Variants in IQCM observed in about 807,000 individuals in gnomAD.
IQCM encodes the protein IQ domain-containing protein M.
Under a neutral mutation model 57.6 loss-of-function variants are expected in IQCM, and 45 were observed. The observed-to-expected ratio is 0.78, with a 90% CI of 0.62 to 1.00. The LOEUF is 1.00. Among genes scored for constraint, IQCM ranks in the 50% least tolerant of loss-of-function variants. IQCM has a pLI of 0.00. For missense variants in IQCM, 468 were observed against 511.6 expected (o/e 0.91, Z 0.82); for synonymous variants, 148 against 158.9 (o/e 0.93, Z 0.51).
chr4:149,740,288 G>A (rs1275999774), intron 3 of IQCM, among the ~76,000 whole-genome samples: 1 of 152,146 alleles, frequency 6.6e-6, no homozygotes, highest in Non-Finnish European at 1.5e-5. Flanking sequence ...CAGACACAAT[G>A]GGAGTCAGTT....
intron 12 of IQCM, among the ~76,000 whole-genome samples, chr4:149,544,135 C>T (rs551607219): frequency 2.0e-5 from 3 of 152,218 alleles, no homozygotes; most frequent in Non-Finnish European, 4.4e-5. Context: ...ATGTTTGTTT[C>T]ACTTCCTTAC....
At chr4:149,481,704 T>TTTTTTTTTTTTTGTTTG (rs1553975392) in intron 12 of IQCM, among the ~76,000 whole-genome samples, 2 of 134,696 alleles carry the variant, frequency 1.5e-5, no homozygotes, top group African/African-American at 5.5e-5. Context: ...CAGTTTTGTT[T>TTTTTTTTTTTTTGTTTG]TTTTTTTTTT....
At chr4:149,775,930 G>A (rs545222448) in intron 2 of IQCM, among the ~76,000 whole-genome samples, 79 of 152,268 alleles carry the variant, frequency 5.2e-4, no homozygotes, top group Non-Finnish European at 6.9e-4. Flanking sequence ...TACCCAGGAT[G>A]ACATGTATAA....
intron 5 of IQCM, among the ~76,000 whole-genome samples, chr4:149,732,894 C>CT (rs1177214407): frequency 1.3e-5 from 2 of 152,088 alleles, no homozygotes; most frequent in Non-Finnish European, 2.9e-5. Context: ...GTTGCCTATC[C>CT]TATTGATCCT....
rs564605499 is a variant in IQCM, at chr4:149,718,299, C to A, written c.385+14945G>T. Among the ~76,000 whole-genome samples the A allele has an allele frequency of 3.3e-5, 5 of 152,292 alleles. No individual in the cohort carries two copies. In the East Asian group the frequency reaches 9.7e-4, roughly 29 times the overall value. ...CTACCATAACTCTGATTCCTACCCT[C>A]CCCTCAAAAACCCTGAAATATGTAT... On this transcript the variant is annotated intron_variant, in intron 5 of 13. Coordinates refer to ENST00000636793, the MANE Select transcript of IQCM (RefSeq NM_001363507.2).
At chr4:149,427,071 T>A (rs1002133040) in intron 13 of IQCM, among the ~76,000 whole-genome samples, 1 of 151,926 alleles carries the variant, frequency 6.6e-6, no homozygotes, top group Non-Finnish European at 1.5e-5. Context: ...CATCCTTTTT[T>A]TTAATTTCTA....
At chr4:149,409,443 G>C (rs1285492089) in intron 13 of IQCM, among the ~76,000 whole-genome samples, 1 of 152,188 alleles carries the variant, frequency 6.6e-6, no homozygotes, top group Non-Finnish European at 1.5e-5. Context: ...TATCAATCTG[G>C]CATTTCACTA....
At chr4:149,726,772 CAT>C (rs556415902) in intron 5 of IQCM, among the ~76,000 whole-genome samples, 18 of 151,780 alleles carry the variant, frequency 1.2e-4, no homozygotes, top group Non-Finnish European at 2.2e-4. Context: ...AATAATTTTA[CAT>C]ATATATATGT....
intron 9 of IQCM, among the ~76,000 whole-genome samples, chr4:149,574,006 T>C (rs1463112795): frequency 6.6e-6 from 1 of 151,892 alleles, no homozygotes; most frequent in East Asian, 1.9e-4. Flanking sequence ...TTTTTGTTCA[T>C]TTGTTTGTTT....
intron 7 of IQCM, among the ~76,000 whole-genome samples, chr4:149,673,619 A>G: frequency 6.6e-6 from 1 of 152,118 alleles, no homozygotes; most frequent in African/African-American, 2.4e-5. Context: ...CCAGATTCAT[A>G]AAGCAAGTCC....
intron 5 of IQCM, among the ~76,000 whole-genome samples, chr4:149,699,559 A>G (rs1360276266): frequency 6.6e-6 from 1 of 151,886 alleles, no homozygotes. Flanking sequence ...TAGTCAGCCA[A>G]TCCTGATCTT....
At chr4:149,684,072 C>T (rs1355121547) in intron 6 of IQCM, among the ~76,000 whole-genome samples, 1 of 151,176 alleles carries the variant, frequency 6.6e-6, no homozygotes, top group Non-Finnish European at 1.5e-5. Context: ...TAAAAATTAG[C>T]ACTAGTAAAT....
intron 2 of IQCM, among the ~76,000 whole-genome samples, chr4:149,792,951 T>C (rs1772778068): frequency 6.6e-6 from 1 of 152,158 alleles, no homozygotes; most frequent in Non-Finnish European, 1.5e-5. Flanking sequence ...ACGGGAACAA[T>C]GTTCACATGC....
chr4:149,565,179 T>G (rs1435282305), intron 9 of IQCM, among the ~76,000 whole-genome samples: 3 of 152,156 alleles, frequency 2.0e-5, no homozygotes, highest in Non-Finnish European at 4.4e-5. Flanking sequence ...AAAAATGATC[T>G]GTACCTACAC....
chr4:149,679,585 T>G (rs1322747692), intron 7 of IQCM, among the ~76,000 whole-genome samples: 1 of 151,474 alleles, frequency 6.6e-6, no homozygotes, highest in Non-Finnish European at 1.5e-5. Context: ...ACTGATTTGA[T>G]CTTTACAAAT....
intron 12 of IQCM, among the ~76,000 whole-genome samples, chr4:149,461,482 A>G (rs1034813704): frequency 2.0e-5 from 3 of 151,860 alleles, no homozygotes; most frequent in Admixed American, 1.3e-4. Flanking sequence ...GTGAAACCCC[A>G]TATTTACAAA....
At chr4:149,797,750 T>C (rs1287344482) in intron 2 of IQCM, among the ~76,000 whole-genome samples, 1 of 151,520 alleles carries the variant, frequency 6.6e-6, no homozygotes, top group East Asian at 1.9e-4. Flanking sequence ...AATGGAAACC[T>C]GACAGACTAG....
intron 12 of IQCM, among the ~76,000 whole-genome samples, chr4:149,544,303 C>T (rs2726743): frequency 0.97 from 148,230 of 152,198 alleles, 72,268 homozygotes; most frequent in East Asian, 1. Flanking sequence ...AGAAAACAAT[C>T]CCCCTTGCAA....
chr4:149,380,095 T>A (rs1277997175), intron 13 of IQCM, among the ~76,000 whole-genome samples: 2 of 152,154 alleles, frequency 1.3e-5, no homozygotes, highest in Non-Finnish European at 2.9e-5. Context: ...TCCAGCCACA[T>A]GGAATTGTAA....
Sources: gnomAD v4.1 joint callset for allele counts (sites outside exome capture counted in the v4.1 genomes callset) on GRCh38, gnomAD v4.1.1 for gene constraint, MANE v1.5 for transcripts, NCBI Gene and HGNC (gene_info 2026-07-23, HGNC 2026-07-21) for gene names.